The following FRK variants were observed in gnomAD, a reference collection of about 807,000 sequenced individuals.
The protein encoded by FRK is fyn related Src family tyrosine kinase, also known as tyrosine-protein kinase FRK.
FRK carries 51 observed loss-of-function variants against 56.4 expected under a neutral mutation model. That is an observed-to-expected ratio of 0.90 (90% CI 0.72 to 1.14). FRK has a LOEUF of 1.14. FRK is among the 50% of genes most tolerant of loss of function. The probability of loss-of-function intolerance (pLI) is 0.00; values close to 1 mark genes in which losing one functional copy is unlikely to be tolerated. For synonymous variants in FRK, 245 were observed against 217.9 expected (o/e 1.12, Z -1.10); for missense variants, 570 against 601.4 (o/e 0.95, Z 0.55).
chr6:115,950,197 A>G (rs1181243810), intron 5 of FRK, among the ~76,000 whole-genome samples: 1 of 152,194 alleles, frequency 6.6e-6, no homozygotes, highest in African/African-American at 2.4e-5. Flanking sequence ...CTAATTAAAC[A>G]AAAGAGCTCC....
At chr6:115,982,648 C>T in intron 2 of FRK, among the ~76,000 whole-genome samples, 1 of 152,058 alleles carries the variant, frequency 6.6e-6, no homozygotes, top group African/African-American at 2.4e-5. Flanking sequence ...ACCAGGTGAA[C>T]AACTGTGAAT....
chr6:116,072,960 T>C, the FRK span, among the ~76,000 whole-genome samples: 3 of 152,198 alleles, frequency 2.0e-5, no homozygotes, highest in South Asian at 6.2e-4. Context: ...AAATGTAATG[T>C]GTTTGCCATG....
the FRK span, among the ~76,000 whole-genome samples, chr6:116,078,115 G>A: frequency 7.2e-5 from 11 of 152,202 alleles, no homozygotes; most frequent in South Asian, 2.1e-4. Flanking sequence ...AGCTGAGATC[G>A]CACCATTGCA....
At chr6:115,960,227 A>T (rs1460479434) in intron 4 of FRK, among the ~76,000 whole-genome samples, 4 of 151,202 alleles carry the variant, frequency 2.6e-5, no homozygotes, top group African/African-American at 7.3e-5. Flanking sequence ...GCATTGCCTC[A>T]CCTGGGAAGC....
chr6:116,060,580 G>A lies in FRK; in HGVS notation c.-269C>T, dbSNP rs1777591992. ...CTGGGCAGCTGCTCACTAGGAAGGTGTCTTTTCTTCTTATCTGCTTAAGAA... is the reference window on the plus strand; with the variant it reads ...CTGGGCAGCTGCTCACTAGGAAGGTATCTTTTCTTCTTATCTGCTTAAGAA... On this transcript the variant is annotated 5_prime_UTR_variant, in exon 1 of 8. Transcript: ENST00000606080. 5.1e-6 allele frequency: 2 copies of A among 394,330 alleles called. No homozygotes were observed. Among genetic ancestry groups the A allele is most frequent in the Non-Finnish European group, 9.1e-6 (2 of 219,950 alleles). The allele number at this position is 394,330 out of a possible 1,614,324, so 24.4% of individuals were successfully genotyped here.
At chr6:116,008,102 A>C (rs943752583) in intron 1 of FRK, among the ~76,000 whole-genome samples, 2 of 152,210 alleles carry the variant, frequency 1.3e-5, no homozygotes, top group Admixed American at 1.3e-4. Context: ...ACTCCATTAC[A>C]TAAGTTTTAT....
intron 5 of FRK, among the ~76,000 whole-genome samples, chr6:115,947,317 A>AGTGTGTGT (rs10577529): frequency 1.8e-4 from 27 of 149,792 alleles, no homozygotes; most frequent in African/African-American, 5.7e-4. Flanking sequence ...AGACTTAAAC[A>AGTGTGTGT]GTGTGTGTGT....
At position 115,943,042 on chromosome 6, in the gene FRK, A is replaced by C. The variant is rs756500618; in HGVS notation, c.1284T>G (p.Thr428=). 2 of 1,612,324 alleles carry C rather than the reference A, an allele frequency of 1.2e-6. No individual in the cohort carries two copies. Among genetic ancestry groups the C allele is most frequent in the Non-Finnish European group, 8.5e-7 (1 of 1,179,374 alleles). The change falls in exon 7 of 8, where the codon ACT becomes ACG. Residue 428 remains threonine (T), a synonymous_variant. Coordinates refer to ENST00000606080, the MANE Select transcript of FRK (RefSeq NM_002031.3). The stretch of plus-strand genomic sequence containing the variant: ...CACCACTGTAAGGCATTTTGCCATA[A>C]GTAATGATTTCATAAAGAAGGATTC... The part of the protein sequence containing the change: ...SFGILLYEII[T]YGKMPYSGMT...
At chr6:115,986,352 G>C (rs1378593360) in intron 2 of FRK, among the ~76,000 whole-genome samples, 1 of 152,006 alleles carries the variant, frequency 6.6e-6, no homozygotes. Flanking sequence ...GATTACCCTA[G>C]GCCTGTCTAC....
chr6:116,055,737 GC>G (rs1408111669), intron 1 of FRK, among the ~76,000 whole-genome samples: 61 of 152,228 alleles, frequency 4.0e-4, no homozygotes, highest in Non-Finnish European at 2.9e-5. Context: ...ACCATACCAG[GC>G]CTATAGAATG....
At chr6:116,002,800 C>T (rs181022057) in intron 2 of FRK, 18 of 433,688 alleles carry the variant, frequency 4.2e-5, no homozygotes, top group Non-Finnish European at 7.1e-5. Flanking sequence ...CAACACCTGC[C>T]TCAAAACCAC....
At chr6:116,028,729 G>A (rs1000944179) in intron 1 of FRK, among the ~76,000 whole-genome samples, 4 of 151,938 alleles carry the variant, frequency 2.6e-5, no homozygotes, top group African/African-American at 7.3e-5. Flanking sequence ...TCCTATGCCC[G>A]TATGGTCTCC....
At chr6:115,958,461 C>T (rs754863165) in intron 4 of FRK, among the ~76,000 whole-genome samples, 7 of 151,788 alleles carry the variant, frequency 4.6e-5, no homozygotes, top group Non-Finnish European at 8.8e-5. Flanking sequence ...AACCATGTCT[C>T]TACTAAAAAT....
intron 2 of FRK, among the ~76,000 whole-genome samples, chr6:115,981,554 A>G (rs372345163): frequency 1.3e-5 from 2 of 152,096 alleles, no homozygotes; most frequent in Non-Finnish European, 2.9e-5. Flanking sequence ...CTTCTCTCTC[A>G]AAACTCTCCT....
intron 4 of FRK, among the ~76,000 whole-genome samples, chr6:115,958,388 A>T (rs1244903768): frequency 6.6e-6 from 1 of 152,034 alleles, no homozygotes; most frequent in Non-Finnish European, 1.5e-5. Context: ...GAACTTTGGG[A>T]GGCCAAGGCA....
upstream of FRK, among the ~76,000 whole-genome samples, chr6:116,062,311 T>C (rs1368121830): frequency 2.6e-5 from 4 of 152,040 alleles, no homozygotes; most frequent in East Asian, 7.7e-4. Context: ...TCATATTATA[T>C]ACAAAACAGA....
intron 1 of FRK, among the ~76,000 whole-genome samples, chr6:116,037,598 C>T (rs1420373386): frequency 6.6e-6 from 1 of 152,188 alleles, no homozygotes; most frequent in Non-Finnish European, 1.5e-5. Context: ...AGCCTTCCCT[C>T]AGCTACTGCA....
intron 1 of FRK, among the ~76,000 whole-genome samples, chr6:116,009,616 TTA>T (rs1775388627): frequency 6.6e-6 from 1 of 152,292 alleles, no homozygotes; most frequent in Admixed American, 6.5e-5. Flanking sequence ...GATATCTTTA[TTA>T]ACAATAACCA....
At chr6:116,068,283 A>T in the FRK span, among the ~76,000 whole-genome samples, 1 of 152,186 alleles carries the variant, frequency 6.6e-6, no homozygotes, top group Non-Finnish European at 1.5e-5. Flanking sequence ...TTTCTTGGCC[A>T]AAGAGTATAA....
Sources: gnomAD v4.1 joint callset for allele counts (sites outside exome capture counted in the v4.1 genomes callset) on GRCh38, gnomAD v4.1.1 for gene constraint, MANE v1.5 for transcripts, NCBI Gene and HGNC (gene_info 2026-07-23, HGNC 2026-07-21) for gene names.